Variants in PCSK2 observed in about 807,000 individuals in gnomAD.
The protein encoded by PCSK2 is proprotein convertase subtilisin/kexin type 2.
PCSK2 carries 14 observed loss-of-function variants against 69.7 expected under a neutral mutation model. That is an observed-to-expected ratio of 0.20 (90% CI 0.13 to 0.31). The LOEUF (loss-of-function observed/expected upper bound fraction) is 0.31. Among genes scored for constraint, PCSK2 ranks in the 10% least tolerant of loss-of-function variants. The pLI, the probability that PCSK2 is intolerant of heterozygous loss-of-function variation, is 1.00. For missense variants in PCSK2, 544 were observed against 842.5 expected (o/e 0.65, Z 4.39); for synonymous variants, 307 against 320.7 (o/e 0.96, Z 0.46).
At chr20:17,439,914 G>A (rs776013365) in intron 8 of PCSK2, among the ~76,000 whole-genome samples, 9 of 152,174 alleles carry the variant, frequency 5.9e-5, no homozygotes, top group Non-Finnish European at 8.8e-5. Context: ...CAGCTGTCAC[G>A]GGTCCCAGGG....
intron 2 of PCSK2, among the ~76,000 whole-genome samples, chr20:17,354,387 T>C (rs1352515628): frequency 6.6e-6 from 1 of 152,148 alleles, no homozygotes; most frequent in African/African-American, 2.4e-5. Context: ...ATAAAAGGTA[T>C]AGTGTATGGA....
At chr20:17,317,262 G>A (rs1753036420) in intron 2 of PCSK2, among the ~76,000 whole-genome samples, 2 of 152,188 alleles carry the variant, frequency 1.3e-5, no homozygotes, top group South Asian at 2.1e-4. Flanking sequence ...GGGCATGAGG[G>A]AGAGAAATGT....
intron 6 of PCSK2, among the ~76,000 whole-genome samples, chr20:17,415,099 G>A (rs1359507382): frequency 2.0e-5 from 3 of 152,102 alleles, no homozygotes; most frequent in South Asian, 2.1e-4. Flanking sequence ...GGCAAAAACT[G>A]GAAGCATTCC....
At chr20:17,319,989 G>A (rs1485646419) in intron 2 of PCSK2, among the ~76,000 whole-genome samples, 5 of 152,044 alleles carry the variant, frequency 3.3e-5, no homozygotes, top group African/African-American at 9.7e-5. Context: ...TTATTTATAA[G>A]GGGAAAATCT....
intron 2 of PCSK2, among the ~76,000 whole-genome samples, chr20:17,347,872 AAAAGAAAGAAAGAAAGAAAGAAAGAAAG>A (rs201865268): frequency 0.11 from 9,621 of 88,552 alleles, 1,206 homozygotes; most frequent in Middle Eastern, 0.17. Context: ...GGAGAGAGAA[AAAAGAAAGAAAGAAAGAAAGAAAGAAAG>A]AAAGAAAGAA....
intron 4 of PCSK2, among the ~76,000 whole-genome samples, chr20:17,367,783 C>T (rs530787249): frequency 6.6e-6 from 1 of 152,320 alleles, no homozygotes; most frequent in South Asian, 2.1e-4. Context: ...CAGGCGTGAG[C>T]CACCATGCCT....
At chr20:17,409,691 T>G (rs1373603483) in intron 6 of PCSK2, among the ~76,000 whole-genome samples, 1 of 152,246 alleles carries the variant, frequency 6.6e-6, no homozygotes, top group Non-Finnish European at 1.5e-5. Flanking sequence ...GAGAAGTATT[T>G]TGCCCCATGG....
chr20:17,249,437 G>A (rs372059045), intron 1 of PCSK2, among the ~76,000 whole-genome samples: 1 of 150,454 alleles, frequency 6.6e-6, no homozygotes, highest in Non-Finnish European at 1.5e-5. Flanking sequence ...AACCTGGGAG[G>A]TGGAGTTTGC....
chr20:17,452,100 G>A (rs1017851142), intron 8 of PCSK2, among the ~76,000 whole-genome samples: 11 of 151,622 alleles, frequency 7.3e-5, no homozygotes, highest in African/African-American at 2.4e-4. Flanking sequence ...GGCTGGTCTC[G>A]AACTCCCGAC....
chr20:17,454,061 A>G, intron 9 of PCSK2, 104 bp downstream of exon 9: 1 of 1,507,232 alleles, frequency 6.6e-7, no homozygotes. Flanking sequence ...CCCCTCCCTC[A>G]GAGCCTGAAC....
At chr20:17,338,460 G>C (rs958625485) in intron 2 of PCSK2, among the ~76,000 whole-genome samples, 2 of 152,048 alleles carry the variant, frequency 1.3e-5, no homozygotes, top group Non-Finnish European at 1.5e-5. Flanking sequence ...CTCCCAAAGT[G>C]CTGAGATTAC....
At chr20:17,479,719 C>T (rs1281821962) in intron 11 of PCSK2, among the ~76,000 whole-genome samples, 2 of 148,308 alleles carry the variant, frequency 1.3e-5, no homozygotes, top group Non-Finnish European at 3.0e-5. Context: ...ATGGCGTGAA[C>T]CCGGGAGGCG....
At chr20:17,347,215 C>T (rs921463599) in intron 2 of PCSK2, among the ~76,000 whole-genome samples, 3 of 152,166 alleles carry the variant, frequency 2.0e-5, no homozygotes, top group African/African-American at 4.8e-5. Flanking sequence ...TGTAATTGGG[C>T]TTTCCAAAAA....
intron 4 of PCSK2, among the ~76,000 whole-genome samples, chr20:17,368,352 G>C (rs2030661215): frequency 6.6e-6 from 1 of 152,132 alleles, no homozygotes; most frequent in Non-Finnish European, 1.5e-5. Context: ...CAGAGTCCAA[G>C]CAACTTGCCT....
At chr20:17,226,862 G>C (rs1271147821), upstream of PCSK2, 1 of 135,458 alleles carries the variant, frequency 7.4e-6, no homozygotes, top group Non-Finnish European at 1.6e-5. Flanking sequence ...GGGCCGGGCC[G>C]GGGGTGGGCG....
intron 2 of PCSK2, among the ~76,000 whole-genome samples, chr20:17,355,678 G>C (rs6105746): frequency 0.25 from 27,404 of 109,026 alleles, 2,667 homozygotes; most frequent in Middle Eastern, 0.35. Flanking sequence ...CACACACAGA[G>C]AGAGAGCTAT....
chr20:17,312,146 G>C (rs1989538049), intron 2 of PCSK2, among the ~76,000 whole-genome samples: 1 of 152,138 alleles, frequency 6.6e-6, no homozygotes. Context: ...CATTTTTCAG[G>C]TTTAGAGACT....
chr20:17,462,276 T>A lies in PCSK2; in HGVS notation c.1203-3050T>A, dbSNP rs146422370. Among the ~76,000 whole-genome samples, 578 of 152,284 alleles carry A rather than the reference T, an allele frequency of 3.8e-3. 3 individuals carry two copies. Among genetic ancestry groups the A allele is most frequent in the African/African-American group, 0.013 (540 of 41,562 alleles). ...CAAAACCTCTGAACCTGGACATCAT[T>A]TTTTTAACCATCCCCAGGTGATTCC... On this transcript the variant is annotated intron_variant, in intron 10 of 11. Transcript: ENST00000262545.
intron 2 of PCSK2, among the ~76,000 whole-genome samples, chr20:17,335,857 GGTGTGTGTGTGTGT>G (rs3138653): frequency 2.8e-5 from 4 of 142,814 alleles, no homozygotes; most frequent in East Asian, 4.2e-4. Flanking sequence ...AGTAGTCCAT[GGTGTGTGTGTGTGT>G]GTGTGTGTGT....
Sources: allele counts gnomAD v4.1 joint callset (sites outside exome capture counted in the v4.1 genomes callset), GRCh38; gene constraint gnomAD v4.1.1; transcripts MANE v1.5; gene names NCBI Gene and HGNC (gene_info 2026-07-23, HGNC 2026-07-21).